DSCAM: variants seen among roughly 807,000 people sequenced by gnomAD.
DSCAM encodes DS cell adhesion molecule, also known as cell adhesion molecule DSCAM.
A neutral mutation model predicts 217.7 loss-of-function variants in DSCAM; 47 were observed. The ratio of observed to expected loss-of-function variants is 0.22; its 90% CI spans 0.17 to 0.28. The LOEUF (loss-of-function observed/expected upper bound fraction) is 0.28. Ranked by LOEUF, DSCAM falls within the 10% of genes least tolerant of loss-of-function variation. The pLI is 1.00. For missense variants in DSCAM, 2,080 were observed against 2,618.3 expected, an observed-to-expected ratio of 0.79 and a Z score of 4.49; for synonymous variants, 1,056 against 1,015.3, an observed-to-expected ratio of 1.04 and a Z score of -0.76.
intron 3 of DSCAM, among the ~76,000 whole-genome samples, chr21:40,646,494 T>C (rs1468719218): frequency 6.6e-6 from 1 of 152,030 alleles, no homozygotes; most frequent in African/African-American, 2.4e-5. Flanking sequence ...CACGTGGCAT[T>C]GACTGATCTG....
chr21:40,097,954 A>G (rs867228826), intron 20 of DSCAM, among the ~76,000 whole-genome samples: 5 of 51,508 alleles, frequency 9.7e-5, no homozygotes, highest in East Asian at 7.8e-4. Flanking sequence ...AAAAAAAAAA[A>G]AAAGAAAGAA....
At chr21:40,116,431 AC>A (rs1568948857) in intron 20 of DSCAM, among the ~76,000 whole-genome samples, 3 of 152,166 alleles carry the variant, frequency 2.0e-5, no homozygotes, top group Non-Finnish European at 4.4e-5. Flanking sequence ...ATTGATTTTC[AC>A]ATGTCTGGGA....
intron 5 of DSCAM, 117 bp downstream of exon 5, chr21:40,353,348 A>T: frequency 7.2e-7 from 1 of 1,384,812 alleles, no homozygotes; most frequent in Non-Finnish European, 9.8e-7. Context: ...TGTTGATCTC[A>T]GCTGGACTGT....
intron 11 of DSCAM, among the ~76,000 whole-genome samples, chr21:40,221,367 T>G (rs1278264017): frequency 6.6e-6 from 1 of 150,444 alleles, no homozygotes; most frequent in African/African-American, 2.4e-5. Context: ...ATATGTATAA[T>G]AATGTGTACG....
chr21:40,175,889 T>C (rs946109039), intron 15 of DSCAM, among the ~76,000 whole-genome samples: 1 of 151,704 alleles, frequency 6.6e-6, no homozygotes, highest in African/African-American at 2.4e-5. Flanking sequence ...GTAATGTTTA[T>C]AAACGTTCAT....
intron 1 of DSCAM, among the ~76,000 whole-genome samples, chr21:40,783,308 C>A (rs2046344314): frequency 6.6e-6 from 1 of 152,210 alleles, no homozygotes; most frequent in African/African-American, 2.4e-5. Flanking sequence ...AGCACCGGCA[C>A]ATGGGATTGC....
chr21:40,431,197 G>A (rs1192636284), intron 3 of DSCAM, among the ~76,000 whole-genome samples: 1 of 152,162 alleles, frequency 6.6e-6, no homozygotes, highest in African/African-American at 2.4e-5. Context: ...CTCATGTAAT[G>A]GGGTGTACAA....
At chr21:40,130,317 C>T (rs908969349) in intron 19 of DSCAM, among the ~76,000 whole-genome samples, 2 of 152,140 alleles carry the variant, frequency 1.3e-5, no homozygotes, top group African/African-American at 4.8e-5. Flanking sequence ...TGCTCAAAAA[C>T]AGAAAAGCCA....
intron 4 of DSCAM, among the ~76,000 whole-genome samples, chr21:40,362,815 T>C (rs1439118090): frequency 6.6e-6 from 1 of 152,178 alleles, no homozygotes; most frequent in Non-Finnish European, 1.5e-5. Flanking sequence ...TATATGCAGG[T>C]GTGCATATGT....
chr21:40,252,705 A>T (rs2073321190), intron 11 of DSCAM, among the ~76,000 whole-genome samples: 2 of 152,186 alleles, frequency 1.3e-5, no homozygotes, highest in Non-Finnish European at 2.9e-5. Flanking sequence ...CTTTGTTTCT[A>T]TGATTCAAGA....
At chr21:40,536,521 C>A (rs2076499129) in intron 3 of DSCAM, among the ~76,000 whole-genome samples, 1 of 151,924 alleles carries the variant, frequency 6.6e-6, no homozygotes, top group Non-Finnish European at 1.5e-5. Context: ...CCTGCCTCAG[C>A]CTCCCTAGTA....
chr21:40,840,892 G>A (rs1250193505), intron 1 of DSCAM, among the ~76,000 whole-genome samples: 1 of 152,018 alleles, frequency 6.6e-6, no homozygotes, highest in Non-Finnish European at 1.5e-5. Context: ...AGGGGAGAAA[G>A]GCTCTGCCTA....
chr21:40,618,998 G>A (rs1395072188), intron 3 of DSCAM: 2 of 152,098 alleles, frequency 1.3e-5, no homozygotes, highest in African/African-American at 4.8e-5. Flanking sequence ...AGAATTACTC[G>A]AAATAGGCTG....
chr21:40,780,823 T>G (rs1359528080), intron 1 of DSCAM, among the ~76,000 whole-genome samples: 1 of 152,060 alleles, frequency 6.6e-6, no homozygotes, highest in Non-Finnish European at 1.5e-5. Context: ...TTTCTGTTGT[T>G]GAAGCCACTA....
intron 3 of DSCAM, among the ~76,000 whole-genome samples, chr21:40,405,477 A>G (rs982502528): frequency 2.6e-5 from 4 of 152,196 alleles, no homozygotes; most frequent in African/African-American, 9.7e-5. Flanking sequence ...CGAAAAGCAC[A>G]GGCAATAAAG....
chr21:40,667,959 T>C (rs934615029), intron 3 of DSCAM, among the ~76,000 whole-genome samples: 1 of 152,216 alleles, frequency 6.6e-6, no homozygotes, highest in Admixed American at 6.5e-5. Flanking sequence ...TTATCTATCA[T>C]AGATCAAAAC....
chr21:40,823,072 C>T (rs1373742913), intron 1 of DSCAM, among the ~76,000 whole-genome samples: 7 of 152,158 alleles, frequency 4.6e-5, no homozygotes, highest in East Asian at 1.9e-4. Context: ...ATTGCTTGAA[C>T]CCGGGAGGCA....
chr21:40,017,101 C>A (rs1601228081), intron 32 of DSCAM, among the ~76,000 whole-genome samples: 5 of 131,068 alleles, frequency 3.8e-5, no homozygotes, highest in Admixed American at 3.0e-4. Flanking sequence ...GAAACTCCAT[C>A]TCAAAAAAAA....
At chr21:40,415,686 T>G (rs966502320) in intron 3 of DSCAM, among the ~76,000 whole-genome samples, 5 of 152,096 alleles carry the variant, frequency 3.3e-5, no homozygotes, top group African/African-American at 4.8e-5. Flanking sequence ...CTAAGGGAGA[T>G]CTCACACCCT....
Sources: gnomAD v4.1 joint callset for allele counts (sites outside exome capture counted in the v4.1 genomes callset) on GRCh38, gnomAD v4.1.1 for gene constraint, MANE v1.5 for transcripts, NCBI Gene and HGNC (gene_info 2026-07-23, HGNC 2026-07-21) for gene names.